PNKP: variants seen among roughly 807,000 people sequenced by gnomAD.
The protein encoded by PNKP is bifunctional polynucleotide phosphatase/kinase.
In PNKP, 82 loss-of-function variants were observed where a neutral mutation model predicts 66.2. The observed-to-expected ratio is 1.24, with a 90% CI of 1.04 to 1.49. The LOEUF is 1.49. Ranked by LOEUF, PNKP falls within the 40% of genes most tolerant of loss-of-function variation. The pLI is 0.00. For synonymous variants in PNKP, 412 were observed against 298.9 expected (o/e 1.38, Z -3.90); for missense variants, 907 against 706.8 (o/e 1.28, Z -3.21).
rs3739187 is a variant in PNKP, at chr19:49,864,172, C to T, written c.636+7G>A. 1.6e-3 allele frequency: 2,530 copies of T among 1,614,124 alleles called. 61 individuals carry two copies. In the East Asian group the frequency reaches 0.053, roughly 34 times the overall value. On this transcript the variant is annotated splice_region_variant and intron_variant, in intron 6 of 16. Coordinates refer to ENST00000322344, the MANE Select transcript of PNKP (RefSeq NM_007254.4). ...ACGTGCCCATGCAGACAGGCGGCTG[C>T]ACATACCTTGTAGCCCTCGGCTTCC...
In PNKP at chr19:49,864,203, T is replaced by C. The variant is rs1207529903; in HGVS notation, c.612A>G (p.Arg204=). The change falls in exon 6 of 17, where the codon CGA becomes CGG. Residue 204 remains arginine, a synonymous_variant. Coordinates refer to ENST00000322344, the MANE Select transcript of PNKP (RefSeq NM_007254.4). ...CCTTGTAGCCCTCGGCTTCCAGCTC[T>C]CGGAGCTTACGGGGAATCTCTGGGT... ...ILYPEIPRKL[R]ELEAEGYKLV... 8 of 1,614,020 alleles carry C rather than the reference T, an allele frequency of 5.0e-6. No homozygotes were observed. Among genetic ancestry groups the C allele is most frequent in the South Asian group, 3.3e-5 (3 of 91,086 alleles).
In PNKP at chr19:49,865,325, G is replaced by C. The variant is rs775616417; in HGVS notation, c.300C>G (p.His100Gln). Residue 100 changes from histidine (H) to glutamine (Q), a missense_variant, in exon 4 of 17, where the codon CAC becomes CAG. Transcript: ENST00000322344. The stretch of plus-strand genomic sequence containing the variant: ...TCTCTTCCCAGCGCAGGGTCAGTGG[G>C]TGGAGGCCATTGACCAAATACAGTG... ...GDTLYLVNGL[H>Q]PLTLRWEETR... 2.5e-6 allele frequency: 4 copies of C among 1,614,058 alleles called. No individual in the cohort carries two copies. The highest frequency in any genetic ancestry group is 2.5e-6 in the Non-Finnish European group (3 of 1,179,902).
Position 49,861,783 on chromosome 19 carries a change from C to A in PNKP, c.1287G>T (p.Ala429=). ...VAIDNTNPDA[A]SRARYVQCAR... is the part of the protein sequence containing the mutation. ...CGCGGTCACGCTACCTGGCGCGGCT[C>A]GCGGCGTCTGGGTTTGTGTTGTCGA... is the stretch of plus-strand genomic sequence containing the variant. Residue 429 remains alanine, a synonymous_variant, in exon 14 of 17, where the codon GCG becomes GCT. Transcript: ENST00000322344. The A allele has an allele frequency of 6.4e-7, 1 of 1,565,958 alleles. No individual in the cohort carries two copies.
rs1555810848 is a variant in PNKP at position 49,861,766 on chromosome 19, C to CGCG, written c.1298+5_1298+6insCGC. 1 of 1,565,992 alleles carries CGCG rather than the reference C, an allele frequency of 6.4e-7. No individual in the cohort carries two copies. ...CAGGCCACCTACGGCCCCGCGGTCA[C>CGCG]GCTACCTGGCGCGGCTCGCGGCGTC... On this transcript the variant is annotated splice_donor_region_variant and intron_variant, in intron 14 of 16. Transcript: ENST00000322344.
intron 3 of PNKP, 199 bp from the exon 4 acceptor site, chr19:49,865,625 T>TC (rs34609679): frequency 6.1e-5 from 11 of 180,246 alleles, no homozygotes; most frequent in South Asian, 3.2e-4. Context: ...TTTTTTTTTT[T>TC]CCCCTGGAGA....
intron 5 of PNKP, 42 bp downstream of exon 5, chr19:49,864,282 G>T (rs926857628): frequency 4.3e-6 from 7 of 1,609,602 alleles, no homozygotes; most frequent in Non-Finnish European, 6.0e-6. Flanking sequence ...GCCAGAGGTG[G>T]ACTCCAGGCC....
rs1372574769 is a variant in PNKP, at chr19:49,863,739, C to A, written c.766G>T (p.Gly256Cys). The A allele has an allele frequency of 6.4e-7, 1 of 1,560,184 alleles. No individual in the cohort carries two copies. The highest frequency in any genetic ancestry group is 1.9e-5 in the Admixed American group (1 of 51,930). The change falls in exon 8 of 17, where the codon GGC becomes TGC. Residue 256 changes from glycine (G) to cysteine (C), a missense_variant. Transcript: ENST00000322344. The part of the protein sequence containing the change: ...PFQVLVATHA[G>C]LYRKPVTGMW... ...CCCGTCACCGGCTTCCGGTACAAGCCTGCGTGCGTGGCCACCAGCACCTGT... is the reference window on the plus strand; with the variant it reads ...CCCGTCACCGGCTTCCGGTACAAGCATGCGTGCGTGGCCACCAGCACCTGT...
At position 49,861,591 on chromosome 19, in the gene PNKP, G is replaced by C; in HGVS notation, c.1386+17C>G. On this transcript the variant is annotated intron_variant, in intron 15 of 16. Transcript: ENST00000322344. ...AGGGGGTGCAGCCCGGGGGGTGTCC[G>C]GGCTGAGCGGGCTCACCCGGTTGTT... is the stretch of plus-strand genomic sequence containing the variant. 6.4e-7 allele frequency: 1 copy of C among 1,559,166 alleles called. No homozygotes were observed. Among genetic ancestry groups the C allele is most frequent in the Non-Finnish European group, 8.7e-7 (1 of 1,152,782 alleles).
At chr19:49,865,603 T>A in intron 3 of PNKP, 177 bp from the exon 4 acceptor site, 13 of 255,158 alleles carry the variant, frequency 5.1e-5, no homozygotes, top group Non-Finnish European at 7.2e-5. Flanking sequence ...GTCCGAATCT[T>A]TTTTTTTTTT....
Position 49,862,207 on chromosome 19 carries a change from A to G in PNKP, c.1104T>C (p.Val368=). 1 of 1,613,604 alleles carries G rather than the reference A, an allele frequency of 6.2e-7. No homozygotes were observed. Among genetic ancestry groups the G allele is most frequent in the Non-Finnish European group, 8.5e-7 (1 of 1,179,796 alleles). Residue 368 remains valine, a synonymous_variant, in exon 12 of 17, where the codon GTT becomes GTC. Coordinates refer to ENST00000322344, the MANE Select transcript of PNKP (RefSeq NM_007254.4). ...TACCCCCAGGGAATCCCACTGCGAC[A>G]ACCACCTCCGGGCTGGCGCTCAGGA... The part of the protein sequence containing the change: ...RALLSASPEV[V]VAVGFPGAGK...
In PNKP at chr19:49,862,677, T is replaced by C. The variant is rs760783974; in HGVS notation, c.865+13A>G. On this transcript the variant is annotated intron_variant, in intron 9 of 16. Coordinates refer to ENST00000322344, the MANE Select transcript of PNKP (RefSeq NM_007254.4). ...GCGTCCCAGCCCACCCTCAGCAGCC[T>C]CCAGGCCCTTACCTCCCACAAAGAT... 10 of 1,613,988 alleles carry C rather than the reference T, an allele frequency of 6.2e-6. No individual in the cohort carries two copies. Among genetic ancestry groups the C allele is most frequent in the Non-Finnish European group, 8.5e-6 (10 of 1,179,944 alleles).
chr19:49,863,796 C>A, intron 7 of PNKP, 36 bp from the exon 8 acceptor site: 2 of 1,530,678 alleles, frequency 1.3e-6, no homozygotes, highest in Non-Finnish European at 1.8e-6. Context: ...TTTAGCTCCC[C>A]CTCAAGCACC....
rs765720389 is a variant in PNKP at position 49,861,565 on chromosome 19, CAG to C, written c.1386+41_1386+42del. ...CCAGGGGTCAGGGGAGGAGGGGGGTCAGGGGGTGCAGCCCGGGGGGTGTCCGG... is the reference window on the plus strand; with the variant it reads ...CCAGGGGTCAGGGGAGGAGGGGGGTCGGGGTGCAGCCCGGGGGGTGTCCGG... On this transcript the variant is annotated intron_variant, in intron 15 of 16. Transcript: ENST00000322344. 6.8e-4 allele frequency: 794 copies of C among 1,169,242 alleles called. No individual in the cohort carries two copies. Among genetic ancestry groups the C allele is most frequent in the Non-Finnish European group, 8.0e-4 (720 of 895,096 alleles). 72.4% of individuals were successfully genotyped at this position (1,169,242 alleles called of 1,614,324 possible). A position where few individuals can be genotyped will look rare whatever the true frequency, so the allele number is the denominator to read the frequency against.
intron 8 of PNKP, 114 bp downstream of exon 8, chr19:49,863,575 A>G (rs893039375): frequency 2.8e-5 from 21 of 738,708 alleles, no homozygotes; most frequent in Non-Finnish European, 4.6e-5. Flanking sequence ...AAACAGAAGG[A>G]GGGAGCGAGA....
chr19:49,866,244 C>A (rs2122342169), intron 3 of PNKP, 155 bp downstream of exon 3: 1 of 761,168 alleles, frequency 1.3e-6, no homozygotes, highest in East Asian at 2.5e-5. Flanking sequence ...AAGCGATCCG[C>A]CCGCCTCGGC....
Position 49,867,459 on chromosome 19 carries a change from C to T in PNKP, c.-14+10G>A. 1.8e-6 allele frequency: 1 copy of T among 553,554 alleles called. No individual in the cohort carries two copies. 34.3% of individuals were successfully genotyped at this position (553,554 alleles called of 1,614,324 possible). A position where few individuals can be genotyped will look rare whatever the true frequency, so the allele number is the denominator to read the frequency against. ...GCCTCGCACATGCCTCCGCCCCGCC[C>T]CGTACTCACCCGGGACCGCGGCTTG... On this transcript the variant is annotated intron_variant, in intron 1 of 16. Coordinates refer to ENST00000322344, the MANE Select transcript of PNKP (RefSeq NM_007254.4).
chr19:49,863,926 T>C (rs2074798976), intron 7 of PNKP, 38 bp downstream of exon 7: 6 of 1,528,860 alleles, frequency 3.9e-6, no homozygotes, highest in Non-Finnish European at 5.4e-6. Flanking sequence ...TGGATCTCTG[T>C]GCCCCCACAT....
rs779991747 is a variant in PNKP, at chr19:49,862,024, C to T, written c.1188+20G>A. ...TGGGAACTTTATAATAGATTTGGGG[C>T]GGCAAAAGCCTGGTCATACCCTGTT... On this transcript the variant is annotated intron_variant, in intron 13 of 16. Coordinates refer to ENST00000322344, the MANE Select transcript of PNKP (RefSeq NM_007254.4). 40 of 1,613,340 alleles carry T rather than the reference C, an allele frequency of 2.5e-5. No homozygotes were observed. The highest frequency in any genetic ancestry group is 3.0e-5 in the Non-Finnish European group (35 of 1,179,410).
intron 3 of PNKP, 121 bp downstream of exon 3, chr19:49,866,278 G>A: frequency 1.1e-6 from 1 of 951,936 alleles, no homozygotes; most frequent in Non-Finnish European, 1.7e-6. Flanking sequence ...GGGATTACAG[G>A]CTTGAGCCAC....
Sources: allele counts gnomAD v4.1 joint callset, GRCh38; gene constraint gnomAD v4.1.1; transcripts MANE v1.5; gene names NCBI Gene and HGNC (gene_info 2026-07-23, HGNC 2026-07-21).